Variants in LURAP1L observed in about 807,000 individuals in gnomAD.
LURAP1L encodes the protein leucine rich adaptor protein 1 like.
In LURAP1L, 12 loss-of-function variants were observed where a neutral mutation model predicts 13.8. The ratio of observed to expected loss-of-function variants is 0.87; its 90% CI spans 0.56 to 1.41. LURAP1L has a LOEUF of 1.41. Ranked by LOEUF, LURAP1L falls within the 40% of genes most tolerant of loss-of-function variation. The pLI, the probability that LURAP1L is intolerant of heterozygous loss-of-function variation, is 0.00. For synonymous variants in LURAP1L, 139 were observed against 119.2 expected, an observed-to-expected ratio of 1.17 and a Z score of -1.08; for missense variants, 375 against 292.9, an observed-to-expected ratio of 1.28 and a Z score of -2.04.
intron 1 of LURAP1L, among the ~76,000 whole-genome samples, chr9:12,810,506 G>A (rs1390749721): frequency 2.0e-5 from 3 of 152,022 alleles, no homozygotes; most frequent in African/African-American, 7.2e-5. Flanking sequence ...TGACTTCTTA[G>A]CCCTTCACAT....
At position 12,775,809 on chromosome 9, in the gene LURAP1L, G is replaced by T. The variant is rs772795261; in HGVS notation, c.94G>T (p.Glu32Ter). 5.0e-6 allele frequency: 8 copies of T among 1,608,030 alleles called. No homozygotes were observed. The highest frequency in any genetic ancestry group is 6.8e-6 in the Non-Finnish European group (8 of 1,178,096). The change falls in exon 1 of 2, where the codon GAG becomes TAG. Residue 32 changes from glutamate (E) to a stop codon, truncating the protein, a stop_gained. Transcript: ENST00000319264. LOFTEE classifies it high-confidence loss of function. ...ESLVRSLRGE[E>*]PVPRERDRDP... ...TCTAGTGCGCTCTCTCCGTGGGGAG[G>T]AGCCGGTTCCCAGGGAAAGGGACAG...
In LURAP1L at chr9:12,821,505, C is replaced by A. The variant is rs757089479; in HGVS notation, c.432C>A (p.Ser144Arg). ...EKATITSRGS[S>R]LSGSLCSLLE... The stretch of plus-strand genomic sequence containing the variant: ...CCACCATTACCAGCAGAGGCAGCAG[C>A]CTCAGTGGCAGCCTGTGCAGTTTGT... Residue 144 changes from serine (S) to arginine (R), a missense_variant, in exon 2 of 2, where the codon AGC becomes AGA. By Grantham distance (110) the Ser-to-Arg change is moderately radical (BLOSUM62 -1). Transcript: ENST00000319264. The A allele has an allele frequency of 5.0e-6, 8 of 1,614,168 alleles. No individual in the cohort carries two copies. The South Asian group carries it at 8.8e-5, about 18-fold the overall frequency.
intron 1 of LURAP1L, among the ~76,000 whole-genome samples, chr9:12,820,868 T>G (rs1819869364): frequency 6.6e-6 from 1 of 152,134 alleles, no homozygotes. Flanking sequence ...ATAATACCTG[T>G]CATACAGTGT....
At chr9:12,799,766 T>G (rs1196956998) in intron 1 of LURAP1L, among the ~76,000 whole-genome samples, 1 of 149,890 alleles carries the variant, frequency 6.7e-6, no homozygotes, top group African/African-American at 2.5e-5. Flanking sequence ...CCCAGCTACT[T>G]GGGAGGCTGA....
At chr9:12,801,573 G>T (rs1343259809) in intron 1 of LURAP1L, among the ~76,000 whole-genome samples, 1 of 152,006 alleles carries the variant, frequency 6.6e-6, no homozygotes, top group South Asian at 2.1e-4. Context: ...AATTTAAAAA[G>T]AAAATATTGC....
chr9:12,814,099 G>A (rs1490184942), intron 1 of LURAP1L, among the ~76,000 whole-genome samples: 1 of 152,122 alleles, frequency 6.6e-6, no homozygotes, highest in Non-Finnish European at 1.5e-5. Flanking sequence ...GCATGCATGT[G>A]TGTGTGTGCA....
At chr9:12,811,649 T>C (rs74786213) in intron 1 of LURAP1L, among the ~76,000 whole-genome samples, 269 of 152,316 alleles carry the variant, frequency 1.8e-3, no homozygotes, top group African/African-American at 6.3e-3. Flanking sequence ...TCAGCGTCTA[T>C]CAACAAAATT....
At chr9:12,814,781 T>G (rs1819782381) in intron 1 of LURAP1L, among the ~76,000 whole-genome samples, 1 of 152,224 alleles carries the variant, frequency 6.6e-6, no homozygotes, top group Non-Finnish European at 1.5e-5. Flanking sequence ...AATTTAGTCC[T>G]TGGGGAAATT....
intron 1 of LURAP1L, among the ~76,000 whole-genome samples, chr9:12,811,643 C>T (rs1002362020): frequency 2.6e-5 from 4 of 152,154 alleles, no homozygotes; most frequent in Non-Finnish European, 5.9e-5. Context: ...AGTGATTCAG[C>T]GTCTATCAAC....
chr9:12,796,018 T>G (rs571205092), intron 1 of LURAP1L, among the ~76,000 whole-genome samples: 1 of 152,216 alleles, frequency 6.6e-6, no homozygotes, highest in Admixed American at 6.5e-5. Context: ...GGTATAATTC[T>G]ACAATTACAC....
intron 1 of LURAP1L, among the ~76,000 whole-genome samples, chr9:12,784,867 T>C (rs1280368457): frequency 4.6e-5 from 7 of 151,712 alleles, no homozygotes. Flanking sequence ...ATCTAGAATC[T>C]ACTTGGTGCT....
chr9:12,775,818 C>G lies in LURAP1L; in HGVS notation c.103C>G (p.Pro35Ala). ...VRSLRGEEPVPRERDRDPCGG... is the reference protein window; with the variant it reads ...VRSLRGEEPVARERDRDPCGG... ...CTCTCTCCGTGGGGAGGAGCCGGTT[C>G]CCAGGGAAAGGGACAGGGACCCCTG... The change falls in exon 1 of 2, where the codon CCC becomes GCC. Residue 35 changes from proline to alanine, a missense_variant. Pro to Ala is a conservative substitution (Grantham distance 27). Transcript: ENST00000319264. 6.2e-7 allele frequency: 1 copy of G among 1,606,078 alleles called. No individual in the cohort carries two copies. Among genetic ancestry groups the G allele is most frequent in the Non-Finnish European group, 8.5e-7 (1 of 1,177,330 alleles).
Position 12,816,801 on chromosome 9 carries a change from T to A in LURAP1L, c.313-4585T>A, listed in dbSNP as rs139203955. Among the ~76,000 whole-genome samples the A allele has an allele frequency of 2.3e-3, 351 of 152,214 alleles. 2 individuals are homozygous for A. Among genetic ancestry groups the A allele is most frequent in the African/African-American group, 8.1e-3 (335 of 41,530 alleles). On this transcript the variant is annotated intron_variant, in intron 1 of 1. Coordinates refer to ENST00000319264, the MANE Select transcript of LURAP1L (RefSeq NM_203403.2). ...AGACTAAGTAGGAAGCTGAACCATA[T>A]GACATAAACTGTAAGGACCAGAGTA...
chr9:12,796,004 A>C (rs1170161387), intron 1 of LURAP1L, among the ~76,000 whole-genome samples: 1 of 152,076 alleles, frequency 6.6e-6, no homozygotes, highest in African/African-American at 2.4e-5. Flanking sequence ...TTTTCTTCCT[A>C]TCAGGTATAA....
chr9:12,818,080 G>A (rs1049751557), intron 1 of LURAP1L, among the ~76,000 whole-genome samples: 5 of 147,972 alleles, frequency 3.4e-5, no homozygotes, highest in African/African-American at 1.0e-4. Context: ...TGCTTGTGTC[G>A]TTTTTTTCCC....
At chr9:12,796,324 T>C (rs1434215468) in intron 1 of LURAP1L, among the ~76,000 whole-genome samples, 1 of 152,044 alleles carries the variant, frequency 6.6e-6, no homozygotes, top group African/African-American at 2.4e-5. Flanking sequence ...CCATTTTTGT[T>C]ACCATTTTTA....
At chr9:12,785,793 C>T (rs1405513333) in intron 1 of LURAP1L, among the ~76,000 whole-genome samples, 3 of 152,156 alleles carry the variant, frequency 2.0e-5, no homozygotes, top group Non-Finnish European at 4.4e-5. Context: ...CTCTTCAGTG[C>T]CTTCTTCCTT....
chr9:12,819,144 A>G (rs916077754), intron 1 of LURAP1L, among the ~76,000 whole-genome samples: 1 of 152,164 alleles, frequency 6.6e-6, no homozygotes, highest in African/African-American at 2.4e-5. Context: ...CTCAAGGCTA[A>G]GTTCACATCC....
intron 1 of LURAP1L, among the ~76,000 whole-genome samples, chr9:12,799,893 C>G (rs1254072396): frequency 7.0e-6 from 1 of 142,980 alleles, no homozygotes; most frequent in Non-Finnish European, 1.5e-5. Context: ...AAAAAAAAAG[C>G]CATTTTATGA....
Sources: gnomAD v4.1 joint callset for allele counts (sites outside exome capture counted in the v4.1 genomes callset) on GRCh38, gnomAD v4.1.1 for gene constraint, MANE v1.5 for transcripts, NCBI Gene and HGNC (gene_info 2026-07-23, HGNC 2026-07-21) for gene names.